Variants in SLC25A48 observed in about 807,000 individuals in gnomAD.
The protein encoded by SLC25A48 is solute carrier family 25 member 48, also known as CTC-321K16.1.
A neutral mutation model predicts 32.2 loss-of-function variants in SLC25A48; 29 were observed. That is an observed-to-expected ratio of 0.90 (90% CI 0.67 to 1.23). The LOEUF is 1.23. Among genes scored for constraint, SLC25A48 ranks in the 50% most tolerant of loss-of-function variants. The pLI is 0.00. For missense variants in SLC25A48, 399 were observed against 422.7 expected (o/e 0.94, Z 0.49); for synonymous variants, 164 against 172.3 (o/e 0.95, Z 0.38).
intron 6 of SLC25A48, 145 bp from the exon 7 acceptor site, chr5:135,879,823 T>C: frequency 8.6e-7 from 1 of 1,161,326 alleles, no homozygotes; most frequent in Middle Eastern, 2.9e-4. Flanking sequence ...CTTCCCTGTG[T>C]GGTCTCTGCC....
At chr5:135,677,225 A>G (rs555970556) in intron 3 of SLC25A48, among the ~76,000 whole-genome samples, 2 of 151,976 alleles carry the variant, frequency 1.3e-5, no homozygotes, top group African/African-American at 4.8e-5. Context: ...TTTTGACTTA[A>G]ACCTGTTTTA....
At chr5:135,830,579 C>T (rs1480164312), upstream of SLC25A48, among the ~76,000 whole-genome samples, 3 of 152,176 alleles carry the variant, frequency 2.0e-5, no homozygotes, top group Non-Finnish European at 2.9e-5. Flanking sequence ...TCTGCACATG[C>T]TCTGCACATA....
intron 3 of SLC25A48, among the ~76,000 whole-genome samples, chr5:135,717,688 C>G (rs1476986068): frequency 6.6e-6 from 1 of 152,012 alleles, no homozygotes; most frequent in African/African-American, 2.4e-5. Flanking sequence ...CCAAGAACTC[C>G]AAGGCTGCTG....
At chr5:135,594,055 C>G (rs571392923) in intron 1 of SLC25A48, among the ~76,000 whole-genome samples, 2 of 152,126 alleles carry the variant, frequency 1.3e-5, no homozygotes, top group Non-Finnish European at 2.9e-5. Flanking sequence ...AACAGTCCCC[C>G]GAGGGATAGC....
At chr5:135,763,299 TAGC>T (rs1027813928) in intron 3 of SLC25A48, among the ~76,000 whole-genome samples, 1 of 152,078 alleles carries the variant, frequency 6.6e-6, no homozygotes, top group African/African-American at 2.4e-5. Context: ...TACAAGGTGG[TAGC>T]AGCAGCAATG....
intron 3 of SLC25A48, among the ~76,000 whole-genome samples, chr5:135,641,034 G>T (rs1320867633): frequency 6.6e-6 from 1 of 152,092 alleles, no homozygotes; most frequent in African/African-American, 2.4e-5. Flanking sequence ...CATATAAATT[G>T]GAAAGAAATA....
At chr5:135,805,718 G>A (rs1048520126) in intron 3 of SLC25A48, among the ~76,000 whole-genome samples, 2 of 151,416 alleles carry the variant, frequency 1.3e-5, no homozygotes, top group Admixed American at 1.3e-4. Context: ...ATATCCCAGT[G>A]GGTGTACACC....
chr5:135,652,212 T>G (rs1454868430), intron 3 of SLC25A48: 2 of 377,204 alleles, frequency 5.3e-6, no homozygotes, highest in Non-Finnish European at 1.0e-5. Context: ...GACTAAACAC[T>G]GAGCCCCTGA....
intron 7 of SLC25A48, among the ~76,000 whole-genome samples, chr5:135,886,304 T>G (rs1271236864): frequency 3.8e-5 from 2 of 52,074 alleles, no homozygotes; most frequent in African/African-American, 1.5e-4. Context: ...CCACACCCCC[T>G]CCCCCCGCCC....
At chr5:135,688,888 A>AAAT (rs1000372033) in intron 3 of SLC25A48, among the ~76,000 whole-genome samples, 15 of 152,166 alleles carry the variant, frequency 9.9e-5, no homozygotes, top group Non-Finnish European at 1.2e-4. Context: ...CCATATAATC[A>AAAT]AATAATAATA....
At chr5:135,795,568 C>T (rs368193589) in intron 3 of SLC25A48, among the ~76,000 whole-genome samples, 18 of 151,776 alleles carry the variant, frequency 1.2e-4, no homozygotes, top group Admixed American at 9.2e-4. Context: ...CACTCCCCTC[C>T]CACGTGATAC....
At chr5:135,728,043 G>A (rs975930542) in intron 3 of SLC25A48, among the ~76,000 whole-genome samples, 1 of 152,110 alleles carries the variant, frequency 6.6e-6, no homozygotes, top group Admixed American at 6.6e-5. Flanking sequence ...ATCACCTGAG[G>A]TCAGGAGTTT....
chr5:135,717,594 G>T (rs892290470), intron 3 of SLC25A48, among the ~76,000 whole-genome samples: 1 of 152,198 alleles, frequency 6.6e-6, no homozygotes, highest in Non-Finnish European at 1.5e-5. Flanking sequence ...TTAGAGAAAG[G>T]AGAGGGAGAC....
At chr5:135,643,825 C>T (rs1015750293) in intron 3 of SLC25A48, among the ~76,000 whole-genome samples, 1 of 152,204 alleles carries the variant, frequency 6.6e-6, no homozygotes, top group Admixed American at 6.5e-5. Context: ...TCACCAGCAT[C>T]ATCACATTTA....
intron 3 of SLC25A48, among the ~76,000 whole-genome samples, chr5:135,770,053 C>G (rs75252455): frequency 1.3e-5 from 2 of 149,698 alleles, no homozygotes; most frequent in Admixed American, 6.8e-5. Context: ...AAGGAGTGTA[C>G]AAACCCCCCA....
intron 4 of SLC25A48, among the ~76,000 whole-genome samples, chr5:135,813,686 C>T (rs1334693448): frequency 6.6e-6 from 1 of 152,172 alleles, no homozygotes; most frequent in African/African-American, 2.4e-5. Flanking sequence ...AGTTGGCAAC[C>T]AGCTCATCTG....
intron 1 of SLC25A48, among the ~76,000 whole-genome samples, chr5:135,608,887 T>A (rs1172908023): frequency 6.6e-6 from 1 of 152,212 alleles, no homozygotes; most frequent in Non-Finnish European, 1.5e-5. Context: ...TGGGGTGACC[T>A]GGGACATGAC....
intron 2 of SLC25A48, among the ~76,000 whole-genome samples, chr5:135,634,031 G>A (rs2126910092): frequency 6.6e-6 from 1 of 152,286 alleles, no homozygotes; most frequent in South Asian, 2.1e-4. Flanking sequence ...GGGCAAGGCC[G>A]AGTGCATTCT....
intron 3 of SLC25A48, among the ~76,000 whole-genome samples, chr5:135,645,883 A>G (rs1752946609): frequency 6.6e-6 from 1 of 152,216 alleles, no homozygotes; most frequent in Non-Finnish European, 1.5e-5. Flanking sequence ...AACTTGAACT[A>G]CAATTGCTGG....
Sources: allele counts gnomAD v4.1 joint callset (sites outside exome capture counted in the v4.1 genomes callset), GRCh38; gene constraint gnomAD v4.1.1; transcripts MANE v1.5; gene names NCBI Gene and HGNC (gene_info 2026-07-23, HGNC 2026-07-21).